CARD8: variants seen among roughly 807,000 people sequenced by gnomAD.
The protein encoded by CARD8 is caspase recruitment domain-containing protein 8.
Under a neutral mutation model 53.2 loss-of-function variants are expected in CARD8, and 38 were observed. The observed-to-expected ratio is 0.71, with a 90% CI of 0.55 to 0.94. The LOEUF (loss-of-function observed/expected upper bound fraction) is 0.94. Among genes scored for constraint, CARD8 ranks in the 40% least tolerant of loss-of-function variants. The probability of loss-of-function intolerance (pLI) is 0.00; values close to 1 mark genes in which losing one functional copy is unlikely to be tolerated. For synonymous variants in CARD8, 245 were observed against 244.9 expected (o/e 1.00, Z 0.00); for missense variants, 561 against 655.5 (o/e 0.86, Z 1.57).
downstream of CARD8, chr19:48,206,331 C>T: frequency 4.9e-6 from 2 of 411,250 alleles, no homozygotes; most frequent in Non-Finnish European, 9.9e-6. Context: ...CATGTGGGTG[C>T]ATTACATTAA....
intron 10 of CARD8, 110 bp from the exon 11 acceptor site, chr19:48,221,965 A>G (rs1014071865): frequency 1.1e-5 from 9 of 787,226 alleles, no homozygotes; most frequent in Non-Finnish European, 1.3e-5. Context: ...CTATGATTCA[A>G]TTGATATAAA....
intron 8 of CARD8, among the ~76,000 whole-genome samples, chr19:48,231,302 T>G (rs2042838868): frequency 6.6e-6 from 1 of 152,048 alleles, no homozygotes; most frequent in Non-Finnish European, 1.5e-5. Flanking sequence ...GTATTTATAT[T>G]TTTATTTATT....
At chr19:48,247,486 G>A (rs1354345389) in intron 3 of CARD8, among the ~76,000 whole-genome samples, 2 of 151,998 alleles carry the variant, frequency 1.3e-5, no homozygotes, top group African/African-American at 4.8e-5. Context: ...TTATCACTAA[G>A]ATCTATTGTT....
chr19:48,214,798 T>G (rs1384337526), intron 13 of CARD8, among the ~76,000 whole-genome samples: 1 of 52,228 alleles, frequency 1.9e-5, no homozygotes, highest in African/African-American at 5.2e-5. Context: ...TTTTTTTTTT[T>G]TTTTTGTAGA....
At chr19:48,228,822 T>G (rs2042287237) in intron 10 of CARD8, among the ~76,000 whole-genome samples, 1 of 152,014 alleles carries the variant, frequency 6.6e-6, no homozygotes, top group Non-Finnish European at 1.5e-5. Context: ...CCAAGACTCA[T>G]GTTAAGTAGT....
intron 4 of CARD8, among the ~76,000 whole-genome samples, chr19:48,239,029 G>A (rs752320415): frequency 6.6e-6 from 1 of 152,184 alleles, no homozygotes; most frequent in Non-Finnish European, 1.5e-5. Flanking sequence ...AAAGGATACT[G>A]TGTTTTTGTA....
chr19:48,251,780 G>A (rs1295778800), intron 1 of CARD8, among the ~76,000 whole-genome samples: 1 of 151,966 alleles, frequency 6.6e-6, no homozygotes, highest in Non-Finnish European at 1.5e-5. Flanking sequence ...ATGGTGATTC[G>A]CCATGTCCTG....
At chr19:48,251,268 T>C (rs901466670) in intron 1 of CARD8, among the ~76,000 whole-genome samples, 1 of 152,220 alleles carries the variant, frequency 6.6e-6, no homozygotes, top group Non-Finnish European at 1.5e-5. Context: ...AAAGGTCGAA[T>C]TAAGTGAGAT....
intron 13 of CARD8, among the ~76,000 whole-genome samples, chr19:48,214,560 G>T (rs2038794329): frequency 6.6e-6 from 1 of 152,068 alleles, no homozygotes; most frequent in Non-Finnish European, 1.5e-5. Flanking sequence ...CACTGCGCAT[G>T]CTCCCCTTCC....
intron 1 of CARD8, among the ~76,000 whole-genome samples, chr19:48,252,498 AT>A (rs34903597): frequency 0.028 from 4,121 of 145,780 alleles, 96 homozygotes; most frequent in Middle Eastern, 0.08. Context: ...AATATATATA[AT>A]TTTTTTTTTT....
rs764576131 is a variant in CARD8, at chr19:48,211,090, G to C, written c.*620C>G. The C allele has an allele frequency of 2.0e-5, 3 of 152,336 alleles. No homozygotes were observed. Among genetic ancestry groups the C allele is most frequent in the Non-Finnish European group, 4.4e-5 (3 of 68,082 alleles). The allele number at this position is 152,336 out of a possible 1,614,324, so 9.4% of individuals were successfully genotyped here. ...TTAACCCAACAACTCCTTGTAGCAG[G>C]CTACACACCAGTGGGAAAATATTTT... is the stretch of plus-strand genomic sequence containing the variant. On this transcript the variant is annotated 3_prime_UTR_variant, in exon 14 of 14. Coordinates refer to ENST00000651546, the MANE Select transcript of CARD8 (RefSeq NM_001184900.3).
chr19:48,212,639 G>C (rs1448336134), intron 13 of CARD8, among the ~76,000 whole-genome samples: 6 of 152,186 alleles, frequency 3.9e-5, no homozygotes, highest in Admixed American at 2.0e-4. Context: ...GCTTCCTGTA[G>C]ACTGAGCTAC....
chr19:48,234,553 A>G lies in CARD8; in HGVS notation c.210-10T>C. 1.9e-6 allele frequency: 3 copies of G among 1,610,178 alleles called. No individual in the cohort carries two copies. Among genetic ancestry groups the G allele is most frequent in the Non-Finnish European group, 2.5e-6 (3 of 1,178,678 alleles). On this transcript the variant is annotated splice_polypyrimidine_tract_variant and intron_variant, in intron 5 of 13. Coordinates refer to ENST00000651546, the MANE Select transcript of CARD8 (RefSeq NM_001184900.3). ...TAGCTCCCTGTATACCCTGGAAAAC[A>G]ACAACAGAATTTTTACTATGAATAT...
intron 12 of CARD8, among the ~76,000 whole-genome samples, chr19:48,216,214 C>A (rs2039267574): frequency 6.6e-6 from 1 of 151,378 alleles, no homozygotes; most frequent in African/African-American, 2.4e-5. Context: ...TAAAAATATT[C>A]TGATGTTTAC....
At chr19:48,221,889 C>CA in intron 10 of CARD8, 34 bp from the exon 11 acceptor site, 3 of 1,532,722 alleles carry the variant, frequency 2.0e-6, no homozygotes, top group South Asian at 1.2e-5. Flanking sequence ...TTAGAGAGCA[C>CA]AAAAAATAGT....
chr19:48,210,699 A>G lies in CARD8; in HGVS notation c.*1011T>C, dbSNP rs1457621189. On this transcript the variant is annotated 3_prime_UTR_variant, in exon 14 of 14. Coordinates refer to ENST00000651546, the MANE Select transcript of CARD8 (RefSeq NM_001184900.3). ...TAAATCCTAACATATTAATAATTAC[A>G]TTAACGTAAGTAATTGAAATCTTCC... 24 of 152,224 alleles carry G rather than the reference A, an allele frequency of 1.6e-4. No individual in the cohort carries two copies. Among genetic ancestry groups the G allele is most frequent in the Non-Finnish European group, 4.4e-5 (3 of 68,036 alleles). 9.4% of individuals were successfully genotyped at this position (152,224 alleles called of 1,614,324 possible).
intron 8 of CARD8, 105 bp from the exon 9 acceptor site, chr19:48,231,111 C>G: frequency 3.4e-6 from 3 of 872,260 alleles, no homozygotes; most frequent in Non-Finnish European, 5.5e-6. Flanking sequence ...AGGTTCAGGA[C>G]CCATCTGCGA....
At chr19:48,221,664 C>A in intron 11 of CARD8, 66 bp downstream of exon 11, 2 of 1,209,878 alleles carry the variant, frequency 1.7e-6, no homozygotes, top group Non-Finnish European at 2.2e-6. Flanking sequence ...TGCTAAGATT[C>A]TTCCATTTGT....
chr19:48,238,827 C>T (rs907890796), intron 4 of CARD8, among the ~76,000 whole-genome samples: 1 of 152,220 alleles, frequency 6.6e-6, no homozygotes, highest in African/African-American at 2.4e-5. Flanking sequence ...GATGCCCATT[C>T]TTAGAGACAC....
Sources: allele counts gnomAD v4.1 joint callset (sites outside exome capture counted in the v4.1 genomes callset), GRCh38; gene constraint gnomAD v4.1.1; transcripts MANE v1.5; gene names NCBI Gene and HGNC (gene_info 2026-07-23, HGNC 2026-07-21).